WT1: variants seen among roughly 807,000 people sequenced by gnomAD.
WT1 encodes WT1 transcription factor.
Under a neutral mutation model 60.8 loss-of-function variants are expected in WT1, and 8 were observed. The ratio of observed to expected loss-of-function variants is 0.13; its 90% CI spans 0.08 to 0.24. The LOEUF (loss-of-function observed/expected upper bound fraction) is 0.24. WT1 is among the 10% of genes least tolerant of loss of function. The pLI, the probability that WT1 is intolerant of heterozygous loss-of-function variation, is 1.00. For missense variants in WT1, 568 were observed against 711.8 expected, an observed-to-expected ratio of 0.80 and a Z score of 2.30; for synonymous variants, 312 against 297.1, an observed-to-expected ratio of 1.05 and a Z score of -0.52.
intron 5 of WT1, among the ~76,000 whole-genome samples, chr11:32,404,300 A>G (rs112227195): frequency 1.1e-4 from 16 of 150,910 alleles, no homozygotes; most frequent in African/African-American, 3.9e-4. Context: ...GATTTCAAAC[A>G]GTTTTCATGT....
chr11:32,415,606 C>T (rs979011266), intron 5 of WT1, among the ~76,000 whole-genome samples: 77 of 152,342 alleles, frequency 5.1e-4, no homozygotes, highest in African/African-American at 1.6e-3. Context: ...GAGATGGCAC[C>T]ATTGCACTCC....
intron 3 of WT1, among the ~76,000 whole-genome samples, chr11:32,423,215 C>A (rs1216102539): frequency 6.6e-6 from 1 of 152,238 alleles, no homozygotes; most frequent in Non-Finnish European, 1.5e-5. Context: ...AAGCCCAAAC[C>A]AGGGTGGTCC....
chr11:32,401,551 T>C (rs990418080), intron 5 of WT1, among the ~76,000 whole-genome samples: 7 of 152,070 alleles, frequency 4.6e-5, no homozygotes, highest in Non-Finnish European at 1.0e-4. Flanking sequence ...TATTTATTTA[T>C]TTATTTTGAG....
At chr11:32,414,007 C>T (rs889620688) in intron 5 of WT1, among the ~76,000 whole-genome samples, 3 of 152,144 alleles carry the variant, frequency 2.0e-5, no homozygotes, top group African/African-American at 7.2e-5. Flanking sequence ...GAAGAGGAAA[C>T]ATGTACAGCC....
intron 3 of WT1, among the ~76,000 whole-genome samples, chr11:32,422,323 T>G (rs1038568706): frequency 6.6e-6 from 1 of 152,234 alleles, no homozygotes; most frequent in African/African-American, 2.4e-5. Context: ...TACAGGAATA[T>G]TTGGAACTAG....
chr11:32,429,204 C>T (rs552702026), intron 1 of WT1, among the ~76,000 whole-genome samples: 70 of 152,316 alleles, frequency 4.6e-4, no homozygotes, highest in African/African-American at 1.7e-3. Flanking sequence ...CAAGGGAAAG[C>T]TGGTGAGGGG....
At chr11:32,417,370 A>G in intron 4 of WT1, 1 of 587,016 alleles carries the variant, frequency 1.7e-6, no homozygotes, top group Non-Finnish European at 3.0e-6. Context: ...CTTGTTCCAG[A>G]TAGAAACAAC....
At chr11:32,403,168 G>A (rs1852206462) in intron 5 of WT1, among the ~76,000 whole-genome samples, 1 of 151,852 alleles carries the variant, frequency 6.6e-6, no homozygotes, top group Non-Finnish European at 1.5e-5. Flanking sequence ...AAAAAAAACA[G>A]CCAGGCCCCC....
Position 32,416,525 on chromosome 11 carries a change from G to A in WT1, c.981C>T (p.Ser327=), listed in dbSNP as rs371218185. The A allele has an allele frequency of 6.2e-7, 1 of 1,613,996 alleles. No individual in the cohort carries two copies. The highest frequency in any genetic ancestry group is 1.3e-5 in the African/African-American group (1 of 74,900). The change falls in exon 5 of 10, where the codon AGC becomes AGT. Residue 327 remains serine, a synonymous_variant. Transcript: ENST00000452863. ...CTTCTGTCCATTTCACTGAGCTGGA[G>A]CTCCCAGCAGCAACTCTAGAAAAGA...
chr11:32,398,799 G>T (rs1467272097), intron 6 of WT1, among the ~76,000 whole-genome samples: 1 of 151,154 alleles, frequency 6.6e-6, no homozygotes, highest in Non-Finnish European at 1.5e-5. Context: ...CATGCATATT[G>T]CTAAGAGAAA....
chr11:32,432,710 T>C lies in WT1; in HGVS notation c.661+1990A>G, dbSNP rs1357516900. On this transcript the variant is annotated intron_variant, in intron 1 of 9. Coordinates refer to ENST00000452863, the MANE Select transcript of WT1 (RefSeq NM_024426.6). ...GAAGAATCCAGATATTTTCCAGAAG[T>C]GTAATGCCTGCTGGCTGCAAAACCC... is the stretch of plus-strand genomic sequence containing the variant. Among the ~76,000 whole-genome samples the C allele has an allele frequency of 4.6e-5, 7 of 151,998 alleles. No individual in the cohort carries two copies. In the East Asian group the frequency reaches 1.4e-3, roughly 29 times the overall value.
chr11:32,429,236 T>C (rs1853178617), intron 1 of WT1, among the ~76,000 whole-genome samples: 3 of 152,302 alleles, frequency 2.0e-5, no homozygotes, highest in Admixed American at 6.5e-5. Flanking sequence ...CCCCTTCCAG[T>C]TGGGCCTTCA....
At chr11:32,423,171 A>C (rs1852910264) in intron 3 of WT1, among the ~76,000 whole-genome samples, 2 of 152,384 alleles carry the variant, frequency 1.3e-5, no homozygotes, top group South Asian at 4.1e-4. Context: ...CTACACTGAC[A>C]GAAGAACTTT....
At chr11:32,428,653 C>T (rs373134265) in intron 1 of WT1, 34 bp from the exon 2 acceptor site, 111 of 1,603,938 alleles carry the variant, frequency 6.9e-5, no homozygotes, top group Middle Eastern at 1.7e-4. Context: ...ACAGTGTCAG[C>T]GGTGCTCTCG....
rs2133037165 is a variant in WT1, at chr11:32,417,613, G to C, written c.929C>G (p.Thr310Ser). 6.2e-7 allele frequency: 1 copy of C among 1,614,004 alleles called. No homozygotes were observed. The highest frequency in any genetic ancestry group is 8.5e-7 in the Non-Finnish European group (1 of 1,179,952). The stretch of plus-strand genomic sequence containing the variant: ...GGCTCCTAAGTTCATCTGATTCCAG[G>C]TCATGCATTCAAGCTGGGATGTCAT... Residue 310 changes from threonine to serine, a missense_variant, in exon 4 of 10, where the codon ACC becomes AGC. This residue lies in a region of WT1 where 523 missense variants were observed against 565.1 expected (regional missense o/e 0.93). Transcript: ENST00000452863.
intron 7 of WT1, among the ~76,000 whole-genome samples, chr11:32,395,164 C>A (rs1851929869): frequency 6.6e-6 from 1 of 152,214 alleles, no homozygotes; most frequent in African/African-American, 2.4e-5. Flanking sequence ...TTTTCTCCAG[C>A]TTCCCAAGAG....
intron 7 of WT1, among the ~76,000 whole-genome samples, chr11:32,394,838 G>T (rs1851919692): frequency 6.6e-6 from 1 of 152,186 alleles, no homozygotes; most frequent in Non-Finnish European, 1.5e-5. Flanking sequence ...TCACACAGTT[G>T]TCTAACCCTC....
intron 9 of WT1, among the ~76,000 whole-genome samples, chr11:32,390,462 G>T (rs535796552): frequency 6.6e-6 from 1 of 152,174 alleles, no homozygotes; most frequent in Non-Finnish European, 1.5e-5. Context: ...AAGCATCAAA[G>T]GCACCTGAGG....
intron 9 of WT1, 52 bp from the exon 10 acceptor site, chr11:32,389,231 A>G: frequency 6.2e-7 from 1 of 1,613,500 alleles, no homozygotes. Flanking sequence ...GACAGGCACA[A>G]GTTCAACTAT....
Sources: allele counts gnomAD v4.1 joint callset (sites outside exome capture counted in the v4.1 genomes callset), GRCh38; gene constraint gnomAD v4.1.1; regional missense constraint gnomAD v4.1.1; transcripts MANE v1.5; gene names NCBI Gene and HGNC (gene_info 2026-07-23, HGNC 2026-07-21).